Variants in PACRGL observed in about 807,000 individuals in gnomAD.
PACRGL encodes the protein parkin coregulated like.
In PACRGL, 38 loss-of-function variants were observed where a neutral mutation model predicts 34.5. The ratio of observed to expected loss-of-function variants is 1.10; its 90% confidence interval spans 0.85 to 1.44. The LOEUF (loss-of-function observed/expected upper bound fraction) is 1.44. PACRGL is among the 40% of genes most tolerant of loss of function. PACRGL has a pLI of 0.00. For missense variants in PACRGL, 305 were observed against 281.4 expected (o/e 1.08, Z -0.60); for synonymous variants, 128 against 100.1 (o/e 1.28, Z -1.66).
At chr4:20,733,881 C>T (rs1748954166), downstream of PACRGL, among the ~76,000 whole-genome samples, 1 of 152,250 alleles carries the variant, frequency 6.6e-6, no homozygotes, top group South Asian at 2.1e-4. Flanking sequence ...TGACCTGGCA[C>T]ACTTGCACCT....
upstream of PACRGL, among the ~76,000 whole-genome samples, chr4:20,696,991 C>A (rs936786900): frequency 6.6e-6 from 1 of 152,180 alleles, no homozygotes; most frequent in Non-Finnish European, 1.5e-5. Flanking sequence ...ATTCTTTCCA[C>A]CTTTAAAAAA....
At chr4:20,745,464 A>G (rs907127285) in intron 8 of PACRGL, among the ~76,000 whole-genome samples, 1 of 152,194 alleles carries the variant, frequency 6.6e-6, no homozygotes. Flanking sequence ...TGTGGCTTAT[A>G]AGACTTTTGC....
At chr4:20,752,723 G>A (rs931618264) in exon 9 of PACRGL, 2 of 152,220 alleles carry the variant, frequency 1.3e-5, no homozygotes, top group African/African-American at 4.8e-5. Flanking sequence ...TTAAAGAAGA[G>A]GAGTGAAGCC....
intron 8 of PACRGL, among the ~76,000 whole-genome samples, chr4:20,747,651 T>G (rs1209915298): frequency 6.6e-6 from 1 of 152,082 alleles, no homozygotes; most frequent in Non-Finnish European, 1.5e-5. Context: ...CCTTCTCCAC[T>G]CTCAGCTTTT....
rs534301150 is a variant in PACRGL at position 20,715,626 on chromosome 4, G to C, written c.609+2087G>C. Among the ~76,000 whole-genome samples, 237 of 152,164 alleles carry C rather than the reference G, an allele frequency of 1.6e-3. 1 individual carries two copies. The highest frequency in any genetic ancestry group is 5.5e-3 in the African/African-American group (228 of 41,500). ...CTCACACCTGTAATCCTAACACTTT[G>C]GAGGCTGAGGTGGGTGGATTGCCTG... On this transcript the variant is annotated intron_variant, in intron 7 of 8. Coordinates refer to ENST00000503585, the MANE Select transcript of PACRGL (RefSeq NM_001258345.3).
chr4:20,724,430 A>G (rs1744790432), intron 7 of PACRGL, among the ~76,000 whole-genome samples: 2 of 152,160 alleles, frequency 1.3e-5, no homozygotes, highest in Non-Finnish European at 2.9e-5. Context: ...TAAATTACTC[A>G]TGTAAATCCT....
chr4:20,743,329 A>G (rs1751623914), intron 8 of PACRGL, among the ~76,000 whole-genome samples: 1 of 152,224 alleles, frequency 6.6e-6, no homozygotes, highest in Non-Finnish European at 1.5e-5. Flanking sequence ...CTAAGCCAAA[A>G]GAACAAAGCT....
chr4:20,723,825 A>T (rs1001829998), intron 7 of PACRGL, among the ~76,000 whole-genome samples: 10 of 152,018 alleles, frequency 6.6e-5, no homozygotes, highest in Admixed American at 5.2e-4. Context: ...TCCTGGTGTT[A>T]TATAAAGAGT....
the PACRGL span, among the ~76,000 whole-genome samples, chr4:20,764,112 G>A: frequency 1.8e-4 from 28 of 152,080 alleles, no homozygotes; most frequent in East Asian, 5.4e-3. Flanking sequence ...AACCCTTATG[G>A]TTCTGTATTC....
downstream of PACRGL, among the ~76,000 whole-genome samples, chr4:20,733,459 G>A (rs546576717): frequency 2.1e-3 from 314 of 152,152 alleles, 1 homozygote; most frequent in Non-Finnish European, 3.7e-3. Flanking sequence ...TTTGTTTCAC[G>A]TGAAAGATCT....
chr4:20,745,260 A>G (rs193012795), intron 8 of PACRGL, among the ~76,000 whole-genome samples: 1 of 152,256 alleles, frequency 6.6e-6, no homozygotes, highest in African/African-American at 2.4e-5. Flanking sequence ...TTTGTGAACA[A>G]AAGTATCCTG....
intron 8 of PACRGL, among the ~76,000 whole-genome samples, chr4:20,744,422 A>G (rs1751940859): frequency 6.6e-6 from 1 of 151,360 alleles, no homozygotes; most frequent in Admixed American, 6.6e-5. Context: ...TTAAGAAAAT[A>G]TGGCACTATA....
rs568320484 is a variant in PACRGL, at chr4:20,744,019, T to C, written c.*57-8546T>C. The stretch of plus-strand genomic sequence containing the variant: ...CACCAGACACATGAAAAAATGCTCA[T>C]CATCACTGGCCATCAGAGAAATGCA... On this transcript the variant is annotated intron_variant, in intron 8 of 8. Coordinates refer to the PACRGL transcript ENST00000507634. 7.6e-4 allele frequency among the ~76,000 whole-genome samples: 115 copies of C among 151,956 alleles called. 2 individuals are homozygous for C. The highest frequency in any genetic ancestry group is 2.5e-3 in the African/African-American group (103 of 41,420).
At chr4:20,756,271 T>C (rs28664206), downstream of PACRGL, among the ~76,000 whole-genome samples, 1,053 of 152,272 alleles carry the variant, frequency 6.9e-3, 12 homozygotes, top group African/African-American at 0.024. Flanking sequence ...GATGTCAAAG[T>C]TGAAAGGAAG....
chr4:20,727,457 G>A lies in PACRGL; in HGVS notation c.*116G>A. ...ACAGCCACCATTCATTATTTACTAG[G>A]TTAAGATGAATAGACACTGAATCAA... On this transcript the variant is annotated 3_prime_UTR_variant, in exon 9 of 9. Coordinates refer to ENST00000503585, the MANE Select transcript of PACRGL (RefSeq NM_001258345.3). 1 of 807,654 alleles carries A rather than the reference G, an allele frequency of 1.2e-6. No homozygotes were observed. Among genetic ancestry groups the A allele is most frequent in the Non-Finnish European group, 2.0e-6 (1 of 498,712 alleles). 50.0% of individuals were successfully genotyped at this position (807,654 alleles called of 1,614,324 possible).
downstream of PACRGL, among the ~76,000 whole-genome samples, chr4:20,757,566 G>T (rs1420124679): frequency 6.6e-6 from 1 of 152,062 alleles, no homozygotes; most frequent in Non-Finnish European, 1.5e-5. Context: ...GCAATTTCCT[G>T]CAAATGCCCA....
At chr4:20,721,625 G>A (rs1743242473) in intron 7 of PACRGL, among the ~76,000 whole-genome samples, 1 of 152,198 alleles carries the variant, frequency 6.6e-6, no homozygotes, top group African/African-American at 2.4e-5. Flanking sequence ...CAGCAGTGGA[G>A]GCTGCAGAAC....
At chr4:20,762,283 G>A in the PACRGL span, among the ~76,000 whole-genome samples, 1 of 152,082 alleles carries the variant, frequency 6.6e-6, no homozygotes, top group Non-Finnish European at 1.5e-5. Flanking sequence ...CTGTCCACCT[G>A]ATCTAATCAT....
upstream of PACRGL, among the ~76,000 whole-genome samples, chr4:20,697,150 G>A (rs1017438574): frequency 2.0e-5 from 3 of 152,054 alleles, no homozygotes; most frequent in Admixed American, 1.3e-4. Context: ...ATGTGCAAGC[G>A]GACACTCAAT....
Sources: allele counts gnomAD v4.1 joint callset (sites outside exome capture counted in the v4.1 genomes callset), GRCh38; gene constraint gnomAD v4.1.1; transcripts MANE v1.5; gene names NCBI Gene and HGNC (gene_info 2026-07-23, HGNC 2026-07-21).